Variants in ANO2 observed in about 807,000 individuals in gnomAD.
ANO2 encodes anoctamin-2.
Under a neutral mutation model 124.2 loss-of-function variants are expected in ANO2, and 101 were observed. The ratio of observed to expected loss-of-function variants is 0.81; its 90% CI spans 0.69 to 0.96. ANO2 has a LOEUF of 0.96. Ranked by LOEUF, ANO2 falls within the 40% of genes least tolerant of loss-of-function variation. ANO2 has a pLI of 0.00. For synonymous variants in ANO2, 486 were observed against 482.5 expected (o/e 1.01, Z -0.09); for missense variants, 1,293 against 1,274.5 (o/e 1.01, Z -0.22).
At chr12:5,851,045 G>T (rs1296406268) in intron 4 of ANO2, among the ~76,000 whole-genome samples, 3 of 111,464 alleles carry the variant, frequency 2.7e-5, no homozygotes, top group Admixed American at 2.2e-4. Context: ...GCAGAACCAA[G>T]GTTAGAAGTC....
intron 20 of ANO2, among the ~76,000 whole-genome samples, chr12:5,586,659 A>C (rs1462209770): frequency 6.6e-6 from 1 of 152,224 alleles, no homozygotes; most frequent in African/African-American, 2.4e-5. Context: ...TTATCCCTCC[A>C]TCTGAAGCTC....
chr12:5,712,261 G>A lies in ANO2; in HGVS notation c.1545+20259C>T, dbSNP rs1342854757. Among the ~76,000 whole-genome samples the A allele has an allele frequency of 2.0e-5, 3 of 151,794 alleles. No individual in the cohort carries two copies. In the East Asian group the frequency reaches 5.8e-4, roughly 29 times the overall value. On this transcript the variant is annotated intron_variant, in intron 14 of 24. Transcript: ENST00000682330. Reference sequence around the variant, plus strand: ...TGATAGGCCCGGGTTCTAACCCCAGGAACCTGTGAATACGACCTGACTTGG... The same window carrying A: ...TGATAGGCCCGGGTTCTAACCCCAGAAACCTGTGAATACGACCTGACTTGG...
At chr12:5,576,153 G>A (rs1219016137) in intron 22 of ANO2, 138 bp from the exon 23 acceptor site, 18 of 839,006 alleles carry the variant, frequency 2.1e-5, no homozygotes, top group Non-Finnish European at 1.0e-5. Flanking sequence ...CTGAGCTCAT[G>A]CAGCTGAGTC....
At chr12:5,800,648 T>G (rs899649767) in intron 9 of ANO2, among the ~76,000 whole-genome samples, 15 of 152,172 alleles carry the variant, frequency 9.9e-5, no homozygotes, top group Middle Eastern at 3.2e-3. Flanking sequence ...GAACTTGGCC[T>G]GAGCCACTGA....
At chr12:5,601,375 A>C in intron 19 of ANO2, among the ~76,000 whole-genome samples, 1 of 152,294 alleles carries the variant, frequency 6.6e-6, no homozygotes. Context: ...TTAGAATTTC[A>C]TAAGAAAAAT....
chr12:5,808,776 G>C (rs769989168), intron 7 of ANO2, among the ~76,000 whole-genome samples: 2 of 152,008 alleles, frequency 1.3e-5, no homozygotes, highest in Non-Finnish European at 2.9e-5. Context: ...CCCACCTCCC[G>C]CTCTTACCCA....
At chr12:5,841,640 G>A (rs1053189193) in intron 4 of ANO2, among the ~76,000 whole-genome samples, 1 of 152,062 alleles carries the variant, frequency 6.6e-6, no homozygotes, top group Non-Finnish European at 1.5e-5. Flanking sequence ...GGTTCCACAC[G>A]CAGTCCAGGG....
chr12:5,819,255 A>G (rs1234377309), intron 7 of ANO2, among the ~76,000 whole-genome samples: 1 of 152,198 alleles, frequency 6.6e-6, no homozygotes, highest in Non-Finnish European at 1.5e-5. Flanking sequence ...GTGGGCCCTT[A>G]GATGTGAGGT....
At chr12:5,826,479 C>T (rs1402309897) in intron 7 of ANO2, among the ~76,000 whole-genome samples, 9 of 132,888 alleles carry the variant, frequency 6.8e-5, no homozygotes, top group Admixed American at 1.5e-4. Context: ...TATATATATC[C>T]TTGATATGTA....
rs548978982 is a variant in ANO2 at position 5,812,286 on chromosome 12, G to A, written c.893-4918C>T. Among the ~76,000 whole-genome samples the A allele has an allele frequency of 4.3e-4, 54 of 125,060 alleles. No individual in the cohort carries two copies. In the East Asian group the frequency reaches 0.01, roughly 24 times the overall value. 82.0% of individuals were successfully genotyped at this position (125,060 alleles called of 152,430 possible). On this transcript the variant is annotated intron_variant, in intron 7 of 24. Transcript: ENST00000682330. Reference sequence around the variant, plus strand: ...GGGAAGGAGAAGGGAGGGAAACACAGGGCAGGGGAAAGAAAGAAGAGGAAG... The same window carrying A: ...GGGAAGGAGAAGGGAGGGAAACACAAGGCAGGGGAAAGAAAGAAGAGGAAG...
intron 14 of ANO2, among the ~76,000 whole-genome samples, chr12:5,674,274 G>A (rs1409619454): frequency 1.3e-5 from 2 of 152,274 alleles, no homozygotes; most frequent in East Asian, 1.9e-4. Flanking sequence ...ATTGTCATGG[G>A]ATGGTAACTT....
At chr12:5,940,179 G>A (rs1278585111) in intron 1 of ANO2, among the ~76,000 whole-genome samples, 4 of 152,180 alleles carry the variant, frequency 2.6e-5, no homozygotes, top group African/African-American at 9.7e-5. Context: ...GCCACATATC[G>A]ATGTTGTCAA....
chr12:5,822,398 C>T (rs1208504042), intron 7 of ANO2, among the ~76,000 whole-genome samples: 1 of 152,132 alleles, frequency 6.6e-6, no homozygotes, highest in African/African-American at 2.4e-5. Flanking sequence ...ACAGGATGAC[C>T]TATTCTGTGG....
intron 4 of ANO2, among the ~76,000 whole-genome samples, chr12:5,842,939 C>T (rs1954564856): frequency 6.6e-6 from 1 of 152,188 alleles, no homozygotes; most frequent in Admixed American, 6.5e-5. Flanking sequence ...AAGCATTCTG[C>T]ACTCTTTCCA....
At chr12:5,945,699 G>A (rs772258315), upstream of ANO2, among the ~76,000 whole-genome samples, 22 of 152,246 alleles carry the variant, frequency 1.4e-4, no homozygotes, top group Admixed American at 2.6e-4. Context: ...GCGGGAGTGG[G>A]GGCGAGCCCC....
chr12:5,730,278 A>G (rs564717419), intron 14 of ANO2, among the ~76,000 whole-genome samples: 1 of 152,342 alleles, frequency 6.6e-6, no homozygotes, highest in East Asian at 1.9e-4. Context: ...AAGTAAACGG[A>G]CTTGGTATCT....
At chr12:5,683,047 T>C (rs1053486040) in intron 14 of ANO2, among the ~76,000 whole-genome samples, 1 of 152,146 alleles carries the variant, frequency 6.6e-6, no homozygotes, top group African/African-American at 2.4e-5. Flanking sequence ...AGCCTGCCTC[T>C]TCTCTGCCAC....
intron 10 of ANO2, among the ~76,000 whole-genome samples, chr12:5,781,476 T>C (rs528668785): frequency 8.5e-5 from 13 of 152,280 alleles, no homozygotes; most frequent in Admixed American, 2.0e-4. Flanking sequence ...ATCTCTAGGA[T>C]TGAGATGTTT....
chr12:5,617,803 A>T (rs1944904260), intron 16 of ANO2, among the ~76,000 whole-genome samples: 1 of 152,226 alleles, frequency 6.6e-6, no homozygotes, highest in South Asian at 2.1e-4. Flanking sequence ...GCGTTACTAC[A>T]TGCCTTCAGC....
Sources: allele counts gnomAD v4.1 joint callset (sites outside exome capture counted in the v4.1 genomes callset), GRCh38; gene constraint gnomAD v4.1.1; transcripts MANE v1.5; gene names NCBI Gene and HGNC (gene_info 2026-07-23, HGNC 2026-07-21).